The following CASR variants were observed in gnomAD, a reference collection of about 807,000 sequenced individuals.
CASR encodes extracellular calcium-sensing receptor.
Under a neutral mutation model 69.1 loss-of-function variants are expected in CASR, and 23 were observed. That is an observed-to-expected ratio of 0.33 (90% CI 0.24 to 0.47). The LOEUF (loss-of-function observed/expected upper bound fraction) is 0.47, where lower values mean the gene tolerates loss of function less well. Ranked by LOEUF, CASR falls within the 20% of genes least tolerant of loss-of-function variation. The pLI is 1.00. For missense variants in CASR, 924 were observed against 1,356.1 expected (o/e 0.68, Z 5.00); for synonymous variants, 541 against 544.7 (o/e 0.99, Z 0.10).
intron 1 of CASR, among the ~76,000 whole-genome samples, chr3:122,233,360 G>A (rs1190924038): frequency 6.6e-6 from 1 of 152,232 alleles, no homozygotes; most frequent in Non-Finnish European, 1.5e-5. Flanking sequence ...CTCTCCTGGT[G>A]TCTCTCTTGT....
chr3:122,228,663 G>A (rs968865468), intron 1 of CASR, among the ~76,000 whole-genome samples: 2 of 152,222 alleles, frequency 1.3e-5, no homozygotes, highest in Non-Finnish European at 2.9e-5. Context: ...GACAGGAGGT[G>A]CATATGTTTA....
intron 1 of CASR, among the ~76,000 whole-genome samples, chr3:122,221,964 T>C (rs981854455): frequency 3.3e-5 from 5 of 151,730 alleles, no homozygotes; most frequent in African/African-American, 1.2e-4. Context: ...TAGCACAGTC[T>C]CCATAAAAAC....
intron 1 of CASR, among the ~76,000 whole-genome samples, chr3:122,203,710 A>G (rs960008610): frequency 1.3e-5 from 2 of 152,344 alleles, no homozygotes; most frequent in South Asian, 2.1e-4. Context: ...TAGACTTTAT[A>G]AACACTGTAC....
intron 1 of CASR, among the ~76,000 whole-genome samples, chr3:122,189,976 A>G (rs2073823918): frequency 6.6e-6 from 1 of 152,142 alleles, no homozygotes; most frequent in Admixed American, 6.5e-5. Context: ...TCAGATGTTG[A>G]GTTGGCACTG....
intron 1 of CASR, among the ~76,000 whole-genome samples, chr3:122,195,716 A>G (rs2073883059): frequency 6.6e-6 from 1 of 152,202 alleles, no homozygotes; most frequent in South Asian, 2.1e-4. Flanking sequence ...AGTGATTTGT[A>G]TGAGGTCTCA....
At chr3:122,238,570 T>C (rs1248088722) in intron 1 of CASR, among the ~76,000 whole-genome samples, 2 of 152,174 alleles carry the variant, frequency 1.3e-5, no homozygotes, top group African/African-American at 4.8e-5. Context: ...GAGCAGCAGG[T>C]GACCTAGGGA....
chr3:122,216,598 T>G (rs1053176404), intron 1 of CASR, among the ~76,000 whole-genome samples: 1 of 152,266 alleles, frequency 6.6e-6, no homozygotes. Flanking sequence ...CAAAAAACTA[T>G]AGTTATCTGT....
At chr3:122,247,177 A>T (rs1314697148) in intron 1 of CASR, 1 of 152,208 alleles carries the variant, frequency 6.6e-6, no homozygotes, top group African/African-American at 2.4e-5. Flanking sequence ...CAGGGAAGAA[A>T]AAAAGTGTCC....
chr3:122,226,462 C>G (rs1381635367), intron 1 of CASR, among the ~76,000 whole-genome samples: 1 of 152,072 alleles, frequency 6.6e-6, no homozygotes, highest in African/African-American at 2.4e-5. Flanking sequence ...TTGCAAAGAG[C>G]AAAAGAACAA....
chr3:122,254,347 C>T lies in CASR; in HGVS notation c.158C>T (p.Ser53Leu). The T allele has an allele frequency of 6.2e-7, 1 of 1,614,204 alleles. No individual in the cohort carries two copies. The highest frequency in any genetic ancestry group is 8.5e-7 in the Non-Finnish European group (1 of 1,180,036). Reference sequence around the variant, plus strand: ...GCAGCTAAAGATCAAGATCTCAAATCAAGGCCGGAGTCTGTGGAATGTATC... The same window carrying T: ...GCAGCTAAAGATCAAGATCTCAAATTAAGGCCGGAGTCTGTGGAATGTATC... ...GVAAKDQDLK[S>L]RPESVECIRY... The change falls in exon 2 of 7, where the codon TCA (serine) becomes TTA (leucine). Residue 53 changes from serine (S) to leucine (L), a missense_variant. Transcript: ENST00000639785.
At chr3:122,273,908 T>A (rs1341742906) in intron 4 of CASR, among the ~76,000 whole-genome samples, 1 of 152,016 alleles carries the variant, frequency 6.6e-6, no homozygotes, top group Non-Finnish European at 1.5e-5. Flanking sequence ...GGAAGTCAGG[T>A]CACCCCAACA....
chr3:122,256,467 G>A (rs531505502), intron 2 of CASR, among the ~76,000 whole-genome samples: 6 of 146,542 alleles, frequency 4.1e-5, no homozygotes, highest in African/African-American at 1.2e-4. Context: ...ATTACAAATA[G>A]CAATCTTTTA....
chr3:122,263,732 G>C (rs756979964), intron 4 of CASR, among the ~76,000 whole-genome samples: 3 of 152,132 alleles, frequency 2.0e-5, no homozygotes, highest in Non-Finnish European at 2.9e-5. Context: ...ATCACTGTTG[G>C]CTAAAGTTTC....
At chr3:122,277,359 T>G (rs2074835418) in intron 5 of CASR, among the ~76,000 whole-genome samples, 1 of 152,162 alleles carries the variant, frequency 6.6e-6, no homozygotes, top group African/African-American at 2.4e-5. Flanking sequence ...CTTGGACCAC[T>G]TTTTATAACA....
chr3:122,195,458 T>TG (rs2073880716), intron 1 of CASR, among the ~76,000 whole-genome samples: 1 of 152,246 alleles, frequency 6.6e-6, no homozygotes, highest in Non-Finnish European at 1.5e-5. Flanking sequence ...TGGTTTCCTT[T>TG]GGTGTGTTCT....
chr3:122,202,436 A>AGAGAGGGAGAGGGAGACCATGGG (rs2073966331), intron 1 of CASR, among the ~76,000 whole-genome samples: 1 of 151,042 alleles, frequency 6.6e-6, no homozygotes. Context: ...GACCGTGGAA[A>AGAGAGGGAGAGGGAGACCATGGG]GAGAGGGAGA....
In CASR at chr3:122,285,189, T is replaced by C; in HGVS notation, c.3235T>C (p.Ter1079GlnextTer8). 1 of 1,613,824 alleles carries C rather than the reference T, an allele frequency of 6.2e-7. No homozygotes were observed. Among genetic ancestry groups the C allele is most frequent in the Non-Finnish European group, 8.5e-7 (1 of 1,179,920 alleles). ...TGTTACAGAAAACGTAGTGAATTCA[T>C]AAAATGGAAGGAGAAGACTGGGCTA... is the stretch of plus-strand genomic sequence containing the variant. ...STVTENVVNS[*>Q] The change falls in exon 7 of 7, where the codon TAA (stop) becomes CAA (glutamine). Residue 1079 changes from the stop codon to glutamine, a stop_lost. Transcript: ENST00000639785.
chr3:122,212,574 A>T (rs780128730), intron 1 of CASR, among the ~76,000 whole-genome samples: 3 of 152,026 alleles, frequency 2.0e-5, no homozygotes, highest in Non-Finnish European at 2.9e-5. Flanking sequence ...AAATTAAATA[A>T]TTTTTTTAAA....
At chr3:122,211,075 A>G (rs905806062) in intron 1 of CASR, among the ~76,000 whole-genome samples, 4 of 152,212 alleles carry the variant, frequency 2.6e-5, no homozygotes, top group Non-Finnish European at 5.9e-5. Context: ...TACACCTTAT[A>G]CAAAAATTAA....
Sources: gnomAD v4.1 joint callset for allele counts (sites outside exome capture counted in the v4.1 genomes callset) on GRCh38, gnomAD v4.1.1 for gene constraint, MANE v1.5 for transcripts, NCBI Gene and HGNC (gene_info 2026-07-23, HGNC 2026-07-21) for gene names.